Variants in CMSS1 observed in about 807,000 individuals in gnomAD.
The protein encoded by CMSS1 is cms1 ribosomal small subunit homolog, also known as protein CMSS1.
Under a neutral mutation model 43.5 loss-of-function variants are expected in CMSS1, and 33 were observed. The ratio of observed to expected loss-of-function variants is 0.76; its 90% CI spans 0.57 to 1.01. The LOEUF is 1.01. Ranked by LOEUF, CMSS1 falls within the 50% of genes least tolerant of loss-of-function variation. CMSS1 has a pLI of 0.00. For missense variants in CMSS1, 313 were observed against 326.4 expected, an observed-to-expected ratio of 0.96 and a Z score of 0.32; for synonymous variants, 115 against 117.2, an observed-to-expected ratio of 0.98 and a Z score of 0.12.
At chr3:99,987,676 C>T (rs753449577) in intron 1 of CMSS1, among the ~76,000 whole-genome samples, 3 of 152,056 alleles carry the variant, frequency 2.0e-5, no homozygotes, top group Non-Finnish European at 4.4e-5. Flanking sequence ...ATTAACATGA[C>T]CCAAAGTCAG....
intron 1 of CMSS1, among the ~76,000 whole-genome samples, chr3:99,944,402 G>C (rs1300017202): frequency 6.6e-6 from 1 of 152,086 alleles, no homozygotes; most frequent in Admixed American, 6.5e-5. Flanking sequence ...ATTCAGAGGG[G>C]GATACTCACC....
At chr3:99,920,131 C>T (rs1436080691) in intron 1 of CMSS1, among the ~76,000 whole-genome samples, 1 of 152,136 alleles carries the variant, frequency 6.6e-6, no homozygotes, top group Non-Finnish European at 1.5e-5. Flanking sequence ...TACAGAGCTG[C>T]CATAACAATA....
intron 1 of CMSS1, among the ~76,000 whole-genome samples, chr3:99,846,672 G>A (rs554481419): frequency 7.9e-5 from 12 of 152,268 alleles, no homozygotes; most frequent in African/African-American, 1.9e-4. Flanking sequence ...GTTGCAGTTC[G>A]TCACCATGGA....
At chr3:100,048,991 G>A (rs1012784641) in intron 1 of CMSS1, among the ~76,000 whole-genome samples, 3 of 152,158 alleles carry the variant, frequency 2.0e-5, no homozygotes, top group Non-Finnish European at 4.4e-5. Context: ...AAACCTAATG[G>A]ATTACATCTT....
chr3:100,095,934 A>C (rs1052890071), intron 1 of CMSS1, among the ~76,000 whole-genome samples: 1 of 152,208 alleles, frequency 6.6e-6, no homozygotes, highest in Non-Finnish European at 1.5e-5. Flanking sequence ...GAAAAAAATG[A>C]ATAATCCAAT....
At chr3:100,177,166 A>T (rs1340920314) in intron 9 of CMSS1, among the ~76,000 whole-genome samples, 1 of 152,234 alleles carries the variant, frequency 6.6e-6, no homozygotes, top group African/African-American at 2.4e-5. Flanking sequence ...TGCTGAATGA[A>T]TTAATTTATC....
intron 1 of CMSS1, among the ~76,000 whole-genome samples, chr3:100,084,127 C>T (rs2065971225): frequency 6.6e-6 from 1 of 152,062 alleles, no homozygotes; most frequent in South Asian, 2.1e-4. Context: ...CCATGAGACC[C>T]ATGTCATTTG....
rs1471441152 is a variant in CMSS1 at position 99,980,750 on chromosome 3, G to A, written c.64+162707G>A. Among the ~76,000 whole-genome samples, 5 of 152,212 alleles carry A rather than the reference G, an allele frequency of 3.3e-5. No homozygotes were observed. In the South Asian group the frequency reaches 6.2e-4, roughly 19 times the overall value. ...ACTTGGTAAGTTCTCACTGTTATCC[G>A]TTCTGCATTATTATTAGTTACAGGT... On this transcript the variant is annotated intron_variant, in intron 1 of 9. Coordinates refer to ENST00000421999, the MANE Select transcript of CMSS1 (RefSeq NM_032359.4).
chr3:99,877,553 T>C (rs1705575446), intron 1 of CMSS1, among the ~76,000 whole-genome samples: 1 of 152,110 alleles, frequency 6.6e-6, no homozygotes, highest in South Asian at 2.1e-4. Flanking sequence ...ATATACAGTA[T>C]ACTAAGAGAT....
In CMSS1 at chr3:99,869,772, A is replaced by G. The variant is rs568159247; in HGVS notation, c.64+51729A>G. ...GATTTGTTTTTGTTTTGATTCACAT[A>G]AAAAAGCATTTTAAAAAGAAAGAGA... On this transcript the variant is annotated intron_variant, in intron 1 of 9. Transcript: ENST00000421999. Among the ~76,000 whole-genome samples, 3 of 152,336 alleles carry G rather than the reference A, an allele frequency of 2.0e-5. No individual in the cohort carries two copies. In the East Asian group the frequency reaches 5.8e-4, roughly 29 times the overall value.
intron 1 of CMSS1, among the ~76,000 whole-genome samples, chr3:100,030,226 A>G (rs1156292320): frequency 1.3e-5 from 2 of 152,104 alleles, no homozygotes; most frequent in African/African-American, 4.8e-5. Flanking sequence ...CTTTTTGGGC[A>G]TTTTGACTGT....
chr3:99,952,756 ATTATTAAATTGC>A (rs1402238314), intron 1 of CMSS1, among the ~76,000 whole-genome samples: 1 of 152,212 alleles, frequency 6.6e-6, no homozygotes, highest in Non-Finnish European at 1.5e-5. Flanking sequence ...AGAAACAGTT[ATTATTAAATTGC>A]TCATGAATAT....
chr3:99,842,967 A>C (rs149357904), intron 1 of CMSS1, among the ~76,000 whole-genome samples: 301 of 152,326 alleles, frequency 2.0e-3, no homozygotes, highest in African/African-American at 6.8e-3. Context: ...TTGACTGCCC[A>C]AAAGCCTTAC....
Position 100,179,876 on chromosome 3 carries a change from A to C in CMSS1, c.*1488A>C, listed in dbSNP as rs1218997298. 6.6e-6 allele frequency: 1 copy of C among 152,306 alleles called. No individual in the cohort carries two copies. The highest frequency in any genetic ancestry group is 1.5e-5 in the Non-Finnish European group (1 of 68,102). 9.4% of individuals were successfully genotyped at this position (152,306 alleles called of 1,614,324 possible). On this transcript the variant is annotated 3_prime_UTR_variant, in exon 10 of 10. Coordinates refer to ENST00000421999, the MANE Select transcript of CMSS1 (RefSeq NM_032359.4). ...CTCTCCATGAGGGCTTCACCCCTGT[A>C]GCAGACTTCTGCCTGGACATCCAGG... is the stretch of plus-strand genomic sequence containing the variant.
chr3:100,022,359 A>C (rs1369442228), intron 1 of CMSS1, among the ~76,000 whole-genome samples: 2 of 152,202 alleles, frequency 1.3e-5, no homozygotes, highest in African/African-American at 4.8e-5. Context: ...TGGCCTGTGC[A>C]TTCATTCTAG....
intron 1 of CMSS1, among the ~76,000 whole-genome samples, chr3:99,965,528 A>G (rs1048422603): frequency 2.0e-5 from 3 of 152,134 alleles, no homozygotes; most frequent in Non-Finnish European, 2.9e-5. Context: ...ACTTTTCTTC[A>G]TTTGTTTGTT....
chr3:99,926,672 A>G (rs1707302321), intron 1 of CMSS1, among the ~76,000 whole-genome samples: 1 of 152,246 alleles, frequency 6.6e-6, no homozygotes, highest in African/African-American at 2.4e-5. Context: ...TGAATTACTA[A>G]AAGAGGCTTT....
intron 1 of CMSS1, among the ~76,000 whole-genome samples, chr3:99,896,049 A>G (rs979549983): frequency 2.0e-5 from 3 of 152,180 alleles, no homozygotes; most frequent in Non-Finnish European, 2.9e-5. Context: ...AGCATGAGTC[A>G]TGGATGTCTT....
intron 1 of CMSS1, among the ~76,000 whole-genome samples, chr3:99,976,562 T>A (rs761841583): frequency 6.6e-6 from 1 of 152,204 alleles, no homozygotes; most frequent in Non-Finnish European, 1.5e-5. Flanking sequence ...AAGATACCAC[T>A]TTATTTTCTC....
Sources: gnomAD v4.1 joint callset for allele counts (sites outside exome capture counted in the v4.1 genomes callset) on GRCh38, gnomAD v4.1.1 for gene constraint, MANE v1.5 for transcripts, NCBI Gene and HGNC (gene_info 2026-07-23, HGNC 2026-07-21) for gene names.